The following CDK14 variants were observed in gnomAD, a reference collection of about 807,000 sequenced individuals.
CDK14 encodes cyclin dependent kinase 14.
A neutral mutation model predicts 60.7 loss-of-function variants in CDK14; 34 were observed. The observed-to-expected ratio is 0.56, with a 90% CI of 0.43 to 0.75. The LOEUF (loss-of-function observed/expected upper bound fraction) is 0.75, where lower values mean the gene tolerates loss of function less well. CDK14 is among the 30% of genes least tolerant of loss of function. The pLI is 0.00. For missense variants in CDK14, 482 were observed against 564.1 expected, an observed-to-expected ratio of 0.85 and a Z score of 1.47; for synonymous variants, 197 against 203.7, an observed-to-expected ratio of 0.97 and a Z score of 0.28.
intron 11 of CDK14, among the ~76,000 whole-genome samples, chr7:91,062,876 G>A (rs943839634): frequency 2.6e-5 from 4 of 152,192 alleles, no homozygotes; most frequent in African/African-American, 9.7e-5. Context: ...TGGGCTTCTA[G>A]CTGCAGGTTG....
chr7:90,853,488 A>G (rs1370063485), intron 5 of CDK14, among the ~76,000 whole-genome samples: 1 of 151,200 alleles, frequency 6.6e-6, no homozygotes, highest in African/African-American at 2.4e-5. Context: ...GTAGAGCAGC[A>G]AGTAGGTTGA....
intron 3 of CDK14, among the ~76,000 whole-genome samples, chr7:90,735,887 T>A (rs118145264): frequency 0.022 from 3,313 of 152,276 alleles, 54 homozygotes; most frequent in Non-Finnish European, 0.031. Flanking sequence ...AATAAACTGC[T>A]GCAGCTAGCT....
intron 13 of CDK14, among the ~76,000 whole-genome samples, chr7:91,116,002 A>T (rs918752658): frequency 2.0e-5 from 3 of 152,178 alleles, no homozygotes; most frequent in Non-Finnish European, 4.4e-5. Context: ...AAGCTGGCTA[A>T]TTCTGGTGGC....
At chr7:90,799,690 C>CAAAAAAA (rs11353946) in intron 5 of CDK14, among the ~76,000 whole-genome samples, 5 of 53,530 alleles carry the variant, frequency 9.3e-5, no homozygotes, top group African/African-American at 1.4e-4. Flanking sequence ...AACTCCATCT[C>CAAAAAAA]AAAAAAAAAA....
chr7:90,754,428 T>C (rs1803974564), intron 4 of CDK14, among the ~76,000 whole-genome samples: 1 of 152,202 alleles, frequency 6.6e-6, no homozygotes, highest in South Asian at 2.1e-4. Flanking sequence ...GCTGTCCATA[T>C]GCAGGAGAAT....
intron 5 of CDK14, among the ~76,000 whole-genome samples, chr7:90,844,880 A>G (rs1790415725): frequency 6.6e-6 from 1 of 152,160 alleles, no homozygotes; most frequent in Non-Finnish European, 1.5e-5. Flanking sequence ...GATGGTGAAG[A>G]TAACCCTTCC....
chr7:91,162,038 T>C (rs1433995753), intron 14 of CDK14, among the ~76,000 whole-genome samples: 4 of 152,192 alleles, frequency 2.6e-5, no homozygotes, highest in Admixed American at 2.0e-4. Flanking sequence ...GAGTAACTTT[T>C]CTCTTGATAT....
intron 14 of CDK14, among the ~76,000 whole-genome samples, chr7:91,120,944 A>G (rs1799765875): frequency 6.6e-6 from 1 of 152,250 alleles, no homozygotes; most frequent in African/African-American, 2.4e-5. Flanking sequence ...GAAAAGCTAC[A>G]GGGAAGATGG....
intron 2 of CDK14, among the ~76,000 whole-genome samples, chr7:90,718,582 G>A (rs1802333686): frequency 6.6e-6 from 1 of 152,048 alleles, no homozygotes; most frequent in African/African-American, 2.4e-5. Context: ...ATTAGATAAT[G>A]TTCTGAAGGT....
intron 1 of CDK14, among the ~76,000 whole-genome samples, chr7:90,599,433 C>A (rs572958715): frequency 6.6e-6 from 1 of 152,264 alleles, no homozygotes; most frequent in South Asian, 2.1e-4. Flanking sequence ...TGCTCTGTGC[C>A]AGTGGAATTT....
At chr7:90,633,138 CAT>C (rs1304199056) in intron 2 of CDK14, among the ~76,000 whole-genome samples, 5 of 151,652 alleles carry the variant, frequency 3.3e-5, no homozygotes, top group Admixed American at 6.6e-5. Context: ...TAGGTATGCA[CAT>C]AGTCATATAA....
intron 10 of CDK14, among the ~76,000 whole-genome samples, chr7:91,028,640 A>G (rs1209443820): frequency 1.3e-5 from 2 of 152,142 alleles, no homozygotes; most frequent in African/African-American, 2.4e-5. Flanking sequence ...AAAGTAGTAT[A>G]TATCATTGGG....
At chr7:90,998,394 T>G (rs1041629962) in intron 10 of CDK14, among the ~76,000 whole-genome samples, 3 of 152,050 alleles carry the variant, frequency 2.0e-5, no homozygotes, top group Non-Finnish European at 4.4e-5. Context: ...AATCCATTCT[T>G]TTTTTTTGAG....
intron 5 of CDK14, among the ~76,000 whole-genome samples, chr7:90,813,318 G>A (rs1278539046): frequency 6.6e-6 from 1 of 152,194 alleles, no homozygotes; most frequent in Admixed American, 6.5e-5. Flanking sequence ...CTGGTGTAGG[G>A]AAAATGTGTC....
chr7:90,747,538 G>A (rs538204574), intron 3 of CDK14, 143 bp from the exon 4 acceptor site: 3 of 568,866 alleles, frequency 5.3e-6, no homozygotes, highest in Non-Finnish European at 9.4e-6. Context: ...TTATTATGTT[G>A]TTTTGAAAAA....
At chr7:90,855,195 T>C (rs1342540048) in intron 5 of CDK14, among the ~76,000 whole-genome samples, 1 of 152,224 alleles carries the variant, frequency 6.6e-6, no homozygotes, top group African/African-American at 2.4e-5. Context: ...TAATATGTGA[T>C]ATGAGAGCAA....
At chr7:90,637,085 G>A (rs1800171013) in intron 2 of CDK14, among the ~76,000 whole-genome samples, 2 of 152,248 alleles carry the variant, frequency 1.3e-5, no homozygotes, top group South Asian at 2.1e-4. Flanking sequence ...CAAAAAACCA[G>A]CTTCTGGATT....
intron 2 of CDK14, among the ~76,000 whole-genome samples, chr7:90,659,582 C>T (rs1021886386): frequency 7.2e-5 from 11 of 151,932 alleles, no homozygotes; most frequent in Admixed American, 3.9e-4. Context: ...GAATTTGGCC[C>T]GCAAGAATAT....
intron 3 of CDK14, among the ~76,000 whole-genome samples, chr7:90,734,097 G>C (rs62469746): frequency 0.083 from 12,570 of 152,156 alleles, 586 homozygotes; most frequent in South Asian, 0.11. Context: ...TGAAATTCTG[G>C]GTTGAAAATA....
Sources: gnomAD v4.1 joint callset for allele counts (sites outside exome capture counted in the v4.1 genomes callset) on GRCh38, gnomAD v4.1.1 for gene constraint, MANE v1.5 for transcripts, NCBI Gene and HGNC (gene_info 2026-07-23, HGNC 2026-07-21) for gene names.